The following SYNE2 variants were observed in gnomAD, a reference collection of about 807,000 sequenced individuals.
The protein encoded by SYNE2 is nesprin-2.
In SYNE2, 431 loss-of-function variants were observed where a neutral mutation model predicts 856.3. The observed-to-expected ratio is 0.50, with a 90% CI of 0.47 to 0.55. SYNE2 has a LOEUF of 0.55. Among genes scored for constraint, SYNE2 ranks in the 20% least tolerant of loss-of-function variants. SYNE2 has a pLI of 0.00. For synonymous variants in SYNE2, 2,923 were observed against 2,872.3 expected (o/e 1.02, Z -0.56); for missense variants, 8,129 against 8,023.2 (o/e 1.01, Z -0.50).
chr14:64,119,282 T>C (rs779753198), intron 66 of SYNE2, 145 bp from the exon 67 acceptor site: 33 of 978,926 alleles, frequency 3.4e-5, no homozygotes, highest in Non-Finnish European at 4.7e-5. Context: ...TGTGGAAGTT[T>C]TTGTTTTTCC....
intron 55 of SYNE2, among the ~76,000 whole-genome samples, chr14:64,079,444 G>A (rs1463392736): frequency 1.3e-5 from 2 of 152,190 alleles, no homozygotes; most frequent in Non-Finnish European, 2.9e-5. Context: ...AAATAGGTCA[G>A]AGTATGGCTC....
At chr14:64,203,152 A>G (rs982302974) in intron 100 of SYNE2, among the ~76,000 whole-genome samples, 189 bp downstream of exon 100, 5 of 152,030 alleles carry the variant, frequency 3.3e-5, no homozygotes, top group African/African-American at 1.2e-4. Context: ...TCCCACATTC[A>G]TGTAGCTTTT....
intron 1 of SYNE2, among the ~76,000 whole-genome samples, chr14:63,859,971 C>T (rs543433677): frequency 5.0e-5 from 7 of 140,426 alleles, no homozygotes; most frequent in Admixed American, 1.4e-4. Flanking sequence ...CTCCCTCCCT[C>T]CCTTCCTCCC....
chr14:64,072,216 G>A (rs2097416576), intron 52 of SYNE2, among the ~76,000 whole-genome samples: 1 of 152,112 alleles, frequency 6.6e-6, no homozygotes, highest in African/African-American at 2.4e-5. Flanking sequence ...TAGAATCACT[G>A]GGTCAAAGAA....
intron 1 of SYNE2, among the ~76,000 whole-genome samples, chr14:63,807,508 G>T (rs1260764759): frequency 1.3e-5 from 2 of 152,064 alleles, no homozygotes; most frequent in South Asian, 2.1e-4. Context: ...AGCTGTCTGA[G>T]ATTAGATGGA....
At chr14:64,214,555 A>C in intron 106 of SYNE2, 85 bp downstream of exon 106, 1 of 1,355,640 alleles carries the variant, frequency 7.4e-7, no homozygotes, top group Non-Finnish European at 1.0e-6. Flanking sequence ...GCTCTCAATG[A>C]CCAAGAGTCC....
rs534849268 is a variant in SYNE2, at chr14:64,027,893, G to GTTTTA, written c.6714+125_6714+129dup. 2.2e-3 allele frequency: 2,194 copies of GTTTTA among 1,015,274 alleles called. 29 individuals are homozygous for GTTTTA. The East Asian group carries it at 0.033, about 15-fold the overall frequency. The allele number at this position is 1,015,274 out of a possible 1,614,324, so 62.9% of individuals were successfully genotyped here. A position where few individuals can be genotyped will look rare whatever the true frequency, so the allele number is the denominator to read the frequency against. On this transcript the variant is annotated intron_variant, in intron 43 of 115. Coordinates refer to ENST00000555002, the MANE Select transcript of SYNE2 (RefSeq NM_182914.3). ...CTGTTGTTGTTGTTCATTTTGTTTT[G>GTTTTA]TTTTATTTTATTTTATTTTATTTTA...
chr14:64,163,468 C>A lies in SYNE2; in HGVS notation c.16366C>A (p.Leu5456Ile). The change falls in exon 89 of 116, where the codon CTC (leucine) becomes ATC (isoleucine). Residue 5456 changes from leucine (L) to isoleucine (I), a missense_variant. This residue lies in a region of SYNE2 where 5,410 missense variants were observed against 5,284.8 expected (regional missense o/e 1.02). Transcript: ENST00000555002. Reference sequence around the variant, plus strand: ...CCAAAATTCCAGTGTCCTGGATCGACTCCCACAACCCGCAGAGTCCAGCAC... The same window carrying A: ...CCAAAATTCCAGTGTCCTGGATCGAATCCCACAACCCGCAGAGTCCAGCAC... ...FLQNSSVLDR[L>I]PQPAESSTHM... 1 of 1,614,190 alleles carries A rather than the reference C, an allele frequency of 6.2e-7. No individual in the cohort carries two copies. Among genetic ancestry groups the A allele is most frequent in the South Asian group, 1.1e-5 (1 of 91,086 alleles).
intron 1 of SYNE2, among the ~76,000 whole-genome samples, chr14:63,812,146 T>A (rs1274586991): frequency 6.6e-6 from 1 of 152,132 alleles, no homozygotes; most frequent in Non-Finnish European, 1.5e-5. Context: ...AGTCCTTATC[T>A]CAACCTCATA....
chr14:64,050,888 G>A (rs2097220592), intron 47 of SYNE2, among the ~76,000 whole-genome samples: 2 of 151,934 alleles, frequency 1.3e-5, no homozygotes, highest in Admixed American at 1.3e-4. Flanking sequence ...AGGCATCATG[G>A]CATACGTCTG....
chr14:63,844,412 A>T (rs926554602), intron 1 of SYNE2, among the ~76,000 whole-genome samples: 7 of 152,314 alleles, frequency 4.6e-5, no homozygotes, highest in African/African-American at 1.7e-4. Context: ...TTATTTATCC[A>T]TTTACTTACT....
chr14:63,957,816 T>C (rs867411877), intron 8 of SYNE2, among the ~76,000 whole-genome samples: 22 of 152,240 alleles, frequency 1.4e-4, no homozygotes, highest in South Asian at 2.1e-4. Flanking sequence ...TACTCTTTTT[T>C]TCCCCCTTCT....
intron 64 of SYNE2, 22 bp from the exon 65 acceptor site, chr14:64,107,469 G>T (rs910581401): frequency 1.3e-5 from 20 of 1,599,332 alleles, no homozygotes; most frequent in Middle Eastern, 1.6e-4. Flanking sequence ...CCTTTCTGGA[G>T]CTCTGATTCT....
intron 64 of SYNE2, among the ~76,000 whole-genome samples, chr14:64,106,452 A>G (rs2097772144): frequency 6.6e-6 from 1 of 152,220 alleles, no homozygotes; most frequent in African/African-American, 2.4e-5. Context: ...GATCAAGATC[A>G]TCCTGGCTAA....
At chr14:64,184,329 G>GGGGTGTGTGT (rs1555532246) in intron 96 of SYNE2, among the ~76,000 whole-genome samples, 56 of 144,256 alleles carry the variant, frequency 3.9e-4, no homozygotes, top group East Asian at 1.9e-3. Context: ...TATGCATAGG[G>GGGGTGTGTGT]GTGTGTGTGT....
In SYNE2 at chr14:64,215,538, A is replaced by G; in HGVS notation, c.19402+184A>G. On this transcript the variant is annotated intron_variant, in intron 107 of 115. Transcript: ENST00000555002. The stretch of plus-strand genomic sequence containing the variant: ...AACTGCGTGCTCCTTACAAAACCCC[A>G]TCCAAGCCAGAGCCGTCTCGATGCC... 7.2e-6 allele frequency: 5 copies of G among 697,754 alleles called. No homozygotes were observed. The South Asian group carries it at 7.9e-5, about 11-fold the overall frequency. The allele number at this position is 697,754 out of a possible 1,614,324, so 43.2% of individuals were successfully genotyped here.
At chr14:64,084,052 G>A (rs1215727417) in intron 57 of SYNE2, among the ~76,000 whole-genome samples, 3 of 151,794 alleles carry the variant, frequency 2.0e-5, no homozygotes, top group Non-Finnish European at 4.4e-5. Flanking sequence ...AGCTTCCCCA[G>A]TAGCTGAGAT....
At position 64,056,069 on chromosome 14, in the gene SYNE2, A is replaced by G. The variant is rs1197444911; in HGVS notation, c.9870A>G (p.Glu3290=). ...ACAGAGTAGATGTTGGTAATCCAGA[A>G]GAATCTTTAGAGATGCCTCTTCGAA... ...IPYRVDVGNP[E]ESLEMPLRKQ... The change falls in exon 49 of 116, where the codon GAA becomes GAG. Residue 3290 remains glutamate (E), a synonymous_variant. Transcript: ENST00000555002. The G allele has an allele frequency of 8.7e-5, 140 of 1,614,086 alleles. No individual in the cohort carries two copies. Among genetic ancestry groups the G allele is most frequent in the Non-Finnish European group, 1.2e-4 (136 of 1,180,032 alleles).
rs752030558 is a variant in SYNE2 at position 64,119,605 on chromosome 14, ATCAGGTAAAAAAT to A, written c.13020_13023+9del. The A allele has an allele frequency of 1.9e-6, 3 of 1,614,024 alleles. No individual in the cohort carries two copies. In the African/African-American group the frequency reaches 4.0e-5, roughly 22 times the overall value. ...ATGCTTCAGGAGAAGCACAGTGAAG[ATCAGGTAAAAAAT>A]GACTATCTATGGACATTCATCTTGA... On this transcript the variant is annotated splice_donor_variant and splice_donor_5th_base_variant and coding_sequence_variant and intron_variant, in exon 67 of 116. Transcript: ENST00000555002. LOFTEE classifies it high-confidence loss of function.
Sources: gnomAD v4.1 joint callset for allele counts (sites outside exome capture counted in the v4.1 genomes callset) on GRCh38, gnomAD v4.1.1 for gene constraint, gnomAD v4.1.1 regional missense constraint, MANE v1.5 for transcripts, NCBI Gene and HGNC (gene_info 2026-07-23, HGNC 2026-07-21) for gene names.